Variants in TCTN3 observed in about 807,000 individuals in gnomAD.
TCTN3 encodes the protein tectonic family member 3.
Under a neutral mutation model 71.3 loss-of-function variants are expected in TCTN3, and 57 were observed. That is an observed-to-expected ratio of 0.80 (90% CI 0.65 to 1.00). The LOEUF (loss-of-function observed/expected upper bound fraction) is 1.00, where lower values mean the gene tolerates loss of function less well. Among genes scored for constraint, TCTN3 ranks in the 50% least tolerant of loss-of-function variants. The pLI, the probability that TCTN3 is intolerant of heterozygous loss-of-function variation, is 0.00. For synonymous variants in TCTN3, 258 were observed against 267.8 expected, an observed-to-expected ratio of 0.96 and a Z score of 0.36; for missense variants, 696 against 719.9, an observed-to-expected ratio of 0.97 and a Z score of 0.38.
At chr10:95,664,689 C>A (rs1279465178) in intron 13 of TCTN3, among the ~76,000 whole-genome samples, 1 of 152,180 alleles carries the variant, frequency 6.6e-6, no homozygotes, top group Non-Finnish European at 1.5e-5. Context: ...CAATTCTATT[C>A]CTTCTCCAAT....
intron 3 of TCTN3, among the ~76,000 whole-genome samples, chr10:95,690,845 A>G (rs572769501): frequency 6.6e-5 from 10 of 151,720 alleles, no homozygotes; most frequent in African/African-American, 1.9e-4. Context: ...CTATGTGTGT[A>G]TATGTGAGGA....
chr10:95,683,133 A>G lies in TCTN3; in HGVS notation c.1266T>C (p.Phe422=). 6.2e-7 allele frequency: 1 copy of G among 1,614,146 alleles called. No individual in the cohort carries two copies. Among genetic ancestry groups the G allele is most frequent in the Non-Finnish European group, 8.5e-7 (1 of 1,180,014 alleles). The change falls in exon 11 of 14, where the codon TTT becomes TTC. Residue 422 remains phenylalanine, a synonymous_variant. Transcript: ENST00000371217. ...TGCATCCAGATATTGCATTCACTCCAAACTGCACTTCATGTCTTTTAACAG... is the reference window on the plus strand; with the variant it reads ...TGCATCCAGATATTGCATTCACTCCGAACTGCACTTCATGTCTTTTAACAG... ...SCSVKRHEVQ[F]GVNAISGCKL...
chr10:95,667,765 G>A (rs2139698969), intron 13 of TCTN3, among the ~76,000 whole-genome samples: 1 of 152,304 alleles, frequency 6.6e-6, no homozygotes, highest in Non-Finnish European at 1.5e-5. Context: ...GGAGACTAGA[G>A]TTTTCTCTGG....
intron 1 of TCTN3, 44 bp from the exon 2 acceptor site, chr10:95,693,520 ACT>A: frequency 1.3e-6 from 2 of 1,551,542 alleles, no homozygotes; most frequent in Non-Finnish European, 1.7e-6. Context: ...AGATCCCCAA[ACT>A]CTCCCAGGTG....
At chr10:95,680,443 T>C in intron 13 of TCTN3, 29 bp downstream of exon 13, 1 of 1,589,414 alleles carries the variant, frequency 6.3e-7, no homozygotes, top group Non-Finnish European at 8.5e-7. Context: ...TTTGCAAGGT[T>C]TAGTGATCCT....
In TCTN3 at chr10:95,682,751, T is replaced by C. The variant is rs1158057041; in HGVS notation, c.1352A>G (p.His451Arg). The C allele has an allele frequency of 3.1e-6, 5 of 1,614,080 alleles. No homozygotes were observed. Among genetic ancestry groups the C allele is most frequent in the African/African-American group, 1.3e-5 (1 of 74,942 alleles). ...AACATACTCTGGTCTGGGCCTTCCA[T>C]GAAGAGTCTGATAAATCTCCTGCTG... ...HLQQEIYQTL[H>R]GRPRPEYVAI... Residue 451 changes from histidine (H) to arginine (R), a missense_variant, in exon 12 of 14, where the codon CAT becomes CGT. His to Arg is a conservative substitution (Grantham distance 29). Coordinates refer to ENST00000371217, the MANE Select transcript of TCTN3 (RefSeq NM_015631.6).
At chr10:95,674,355 C>CT (rs2097934626) in intron 13 of TCTN3, among the ~76,000 whole-genome samples, 1 of 151,770 alleles carries the variant, frequency 6.6e-6, no homozygotes, top group Non-Finnish European at 1.5e-5. Flanking sequence ...TTCCTAGTGA[C>CT]TTTAAGTTTA....
intron 13 of TCTN3, among the ~76,000 whole-genome samples, chr10:95,674,110 C>T (rs1416607681): frequency 6.6e-6 from 1 of 152,116 alleles, no homozygotes; most frequent in East Asian, 1.9e-4. Context: ...TACAAAAATA[C>T]CTTCTAGGAT....
intron 3 of TCTN3, among the ~76,000 whole-genome samples, chr10:95,689,315 A>G (rs1357841848): frequency 1.3e-5 from 2 of 152,202 alleles, no homozygotes; most frequent in African/African-American, 4.8e-5. Context: ...ATGTGTATGC[A>G]TATTAGAATT....
At chr10:95,686,594 T>G in intron 6 of TCTN3, 64 bp from the exon 7 acceptor site, 1 of 1,542,560 alleles carries the variant, frequency 6.5e-7, no homozygotes, top group Non-Finnish European at 8.9e-7. Flanking sequence ...GAGCTTGTGG[T>G]TTCATATTAC....
chr10:95,693,101 G>A (rs2097955170), intron 2 of TCTN3, 63 bp from the exon 3 acceptor site: 3 of 1,357,352 alleles, frequency 2.2e-6, no homozygotes, highest in Non-Finnish European at 3.1e-6. Context: ...AAAAAAGAGT[G>A]TCCCAGCAAT....
intron 13 of TCTN3, among the ~76,000 whole-genome samples, chr10:95,668,563 AATG>A (rs2097927892): frequency 6.6e-6 from 1 of 152,332 alleles, no homozygotes; most frequent in South Asian, 2.1e-4. Context: ...ATTTAAGCAT[AATG>A]ATGATGGATG....
intron 7 of TCTN3, among the ~76,000 whole-genome samples, chr10:95,686,052 T>A (rs1269054862): frequency 6.6e-6 from 1 of 152,090 alleles, no homozygotes; most frequent in East Asian, 1.9e-4. Context: ...CATAGCAAGA[T>A]CCCCATCTCT....
In TCTN3 at chr10:95,693,387, T is replaced by C; in HGVS notation, c.346A>G (p.Thr116Ala). The change falls in exon 2 of 14, where the codon ACA (threonine) becomes GCA (alanine). Residue 116 changes from threonine (T) to alanine (A), a missense_variant. Transcript: ENST00000371217. ...DRDCYLLHPRTVFSFCLPGSV... is the reference protein window; with the variant it reads ...DRDCYLLHPRAVFSFCLPGSV... Reference sequence around the variant, plus strand: ...CCTGGAAGGCAGAAGGAGAAAACTGTCCTCGGATGGAGAAGATAGCAGTCC... The same window carrying C: ...CCTGGAAGGCAGAAGGAGAAAACTGCCCTCGGATGGAGAAGATAGCAGTCC... 2 of 1,551,866 alleles carry C rather than the reference T, an allele frequency of 1.3e-6. No homozygotes were observed. Among genetic ancestry groups the C allele is most frequent in the Non-Finnish European group, 1.7e-6 (2 of 1,147,012 alleles).
Position 95,680,544 on chromosome 10 carries a change from A to G in TCTN3, c.1518T>C (p.Tyr506=), listed in dbSNP as rs757139578. Residue 506 remains tyrosine, a synonymous_variant, in exon 13 of 14, where the codon TAT becomes TAC. Coordinates refer to ENST00000371217, the MANE Select transcript of TCTN3 (RefSeq NM_015631.6). ...CTTGCGGGTTGGACAGGAGACCTACATATGCCCACAATACCTGGATCTCCA... is the reference window on the plus strand; with the variant it reads ...CTTGCGGGTTGGACAGGAGACCTACGTATGCCCACAATACCTGGATCTCCA... The part of the protein sequence containing the change: ...VSLEIQVLWA[Y]VGLLSNPQAH... 1 of 1,614,190 alleles carries G rather than the reference A, an allele frequency of 6.2e-7. No individual in the cohort carries two copies. The highest frequency in any genetic ancestry group is 8.5e-7 in the Non-Finnish European group (1 of 1,180,030).
At chr10:95,682,975 T>C in intron 11 of TCTN3, 126 bp downstream of exon 11, 7 of 1,237,416 alleles carry the variant, frequency 5.7e-6, no homozygotes, top group Non-Finnish European at 8.0e-6. Context: ...CAACACTATT[T>C]AGACTAAAAG....
At chr10:95,688,876 C>T (rs984022984) in intron 3 of TCTN3, among the ~76,000 whole-genome samples, 1 of 152,162 alleles carries the variant, frequency 6.6e-6, no homozygotes, top group African/African-American at 2.4e-5. Context: ...TGACAACACT[C>T]TGTCTGCTTT....
intron 13 of TCTN3, among the ~76,000 whole-genome samples, chr10:95,676,636 T>C (rs12098522): frequency 0.19 from 28,164 of 152,126 alleles, 2,967 homozygotes; most frequent in African/African-American, 0.28. Context: ...TCGGTCATGA[T>C]ATAAAATATA....
intron 13 of TCTN3, among the ~76,000 whole-genome samples, chr10:95,674,542 TA>T (rs993139831): frequency 1.3e-5 from 2 of 151,952 alleles, no homozygotes; most frequent in African/African-American, 2.4e-5. Context: ...TAATCTACTT[TA>T]AAAAAAATAG....
Sources: gnomAD v4.1 joint callset for allele counts (sites outside exome capture counted in the v4.1 genomes callset) on GRCh38, gnomAD v4.1.1 for gene constraint, MANE v1.5 for transcripts, NCBI Gene and HGNC (gene_info 2026-07-23, HGNC 2026-07-21) for gene names.